The following C10orf90 variants were observed in gnomAD, a reference collection of about 807,000 sequenced individuals.
The protein encoded by C10orf90 is chromosome 10 open reading frame 90, also known as (E2-independent) E3 ubiquitin-conjugating enzyme FATS.
Under a neutral mutation model 62.5 loss-of-function variants are expected in C10orf90, and 56 were observed. The observed-to-expected ratio is 0.90, with a 90% CI of 0.72 to 1.12. The LOEUF is 1.12. C10orf90 is among the 50% of genes most tolerant of loss of function. C10orf90 has a pLI of 0.00. For missense variants in C10orf90, 970 were observed against 880.4 expected (o/e 1.10, Z -1.29); for synonymous variants, 386 against 340.4 (o/e 1.13, Z -1.47).
intron 7 of C10orf90, among the ~76,000 whole-genome samples, chr10:126,443,394 G>A (rs768203358): frequency 2.4e-4 from 36 of 152,130 alleles, no homozygotes; most frequent in Non-Finnish European, 1.3e-4. Flanking sequence ...ACACCTTTAC[G>A]TGTATAAACT....
intron 2 of C10orf90, among the ~76,000 whole-genome samples, chr10:126,619,134 A>G (rs1207414539): frequency 1.3e-5 from 2 of 152,162 alleles, no homozygotes; most frequent in African/African-American, 4.8e-5. Flanking sequence ...CGTGCACACT[A>G]TCTTGCTGTG....
chr10:126,468,224 A>G (rs1245332335), intron 4 of C10orf90, among the ~76,000 whole-genome samples: 2 of 151,730 alleles, frequency 1.3e-5, no homozygotes, highest in African/African-American at 4.8e-5. Context: ...GCCCACCACC[A>G]CGCCCAGCTA....
chr10:126,569,779 A>C (rs905732736), intron 2 of C10orf90, among the ~76,000 whole-genome samples: 2 of 152,170 alleles, frequency 1.3e-5, no homozygotes, highest in African/African-American at 4.8e-5. Flanking sequence ...AAAACATGGA[A>C]AATAGCTCTT....
chr10:126,667,699 TAG>T (rs1304247769), intron 1 of C10orf90, among the ~76,000 whole-genome samples: 1 of 152,174 alleles, frequency 6.6e-6, no homozygotes, highest in African/African-American at 2.4e-5. Context: ...CTCTGCTGCA[TAG>T]AGAGTCTCAG....
chr10:126,637,002 G>A (rs1383155780), intron 2 of C10orf90, among the ~76,000 whole-genome samples: 1 of 151,980 alleles, frequency 6.6e-6, no homozygotes, highest in African/African-American at 2.4e-5. Flanking sequence ...TTTTCTCTTG[G>A]GGGGCGCTCT....
intron 2 of C10orf90, among the ~76,000 whole-genome samples, chr10:126,637,417 T>C (rs1446395036): frequency 2.0e-5 from 3 of 152,156 alleles, no homozygotes; most frequent in African/African-American, 4.8e-5. Flanking sequence ...GGTTATTGAG[T>C]GCTTAGGCAC....
intron 2 of C10orf90, among the ~76,000 whole-genome samples, chr10:126,642,464 A>G (rs111874569): frequency 0.01 from 1,550 of 152,184 alleles, 31 homozygotes; most frequent in African/African-American, 0.034. Flanking sequence ...CCCGGGAGGC[A>G]GAGCTTGCAG....
intron 2 of C10orf90, among the ~76,000 whole-genome samples, chr10:126,546,198 T>C (rs2133972286): frequency 6.6e-6 from 1 of 152,306 alleles, no homozygotes; most frequent in East Asian, 1.9e-4. Flanking sequence ...ATAACCACTC[T>C]ACTCCAGCCA....
chr10:126,460,374 A>G (rs1859890720), intron 6 of C10orf90, among the ~76,000 whole-genome samples: 1 of 152,248 alleles, frequency 6.6e-6, no homozygotes. Context: ...GCATGCTGCC[A>G]TGACTGAAAC....
intron 7 of C10orf90, among the ~76,000 whole-genome samples, chr10:126,455,124 C>T (rs1859459368): frequency 6.6e-6 from 1 of 152,072 alleles, no homozygotes; most frequent in African/African-American, 2.4e-5. Flanking sequence ...TCATGTTGTA[C>T]CTGAAGCTAC....
chr10:126,506,812 T>G (rs1413691058), intron 3 of C10orf90, among the ~76,000 whole-genome samples: 1 of 118,496 alleles, frequency 8.4e-6, no homozygotes, highest in African/African-American at 2.9e-5. Context: ...CACAGTAGCA[T>G]TTTTATTTTC....
At chr10:126,577,410 C>CA (rs200713782) in intron 2 of C10orf90, among the ~76,000 whole-genome samples, 111 of 144,454 alleles carry the variant, frequency 7.7e-4, no homozygotes, top group South Asian at 1.5e-3. Context: ...GAATAGAAAA[C>CA]AAAAAAAAAA....
Position 126,602,715 on chromosome 10 carries a change from T to G in C10orf90, c.313+43850A>C, listed in dbSNP as rs569982282. 3.9e-5 allele frequency among the ~76,000 whole-genome samples: 6 copies of G among 151,976 alleles called. No individual in the cohort carries two copies. In the South Asian group the frequency reaches 1.3e-3, roughly 32 times the overall value. On this transcript the variant is annotated intron_variant, in intron 2 of 9. Coordinates refer to ENST00000488181, the MANE Select transcript of C10orf90 (RefSeq NM_001350921.2). The stretch of plus-strand genomic sequence containing the variant: ...ACCCCTCAAAAAGCAAGATGGGTCT[T>G]ATAAGGGATGCTGTATCATAGTGTC...
rs142067508 is a variant in C10orf90, at chr10:126,524,713, G to A, written c.314-10774C>T. 1.7e-3 allele frequency: 1,641 copies of A among 985,820 alleles called. 2 individuals carry two copies. Among genetic ancestry groups the A allele is most frequent in the Admixed American group, 2.5e-3 (40 of 16,292 alleles). The allele number at this position is 985,820 out of a possible 1,614,324, so 61.1% of individuals were successfully genotyped here. On this transcript the variant is annotated intron_variant, in intron 2 of 9. Transcript: ENST00000488181. Reference sequence around the variant, plus strand: ...TCCTCTGGGCTCATCTTCCTCATCCGCGAGGCAAGGAGTGCACGCACCTGT... The same window carrying A: ...TCCTCTGGGCTCATCTTCCTCATCCACGAGGCAAGGAGTGCACGCACCTGT...
intron 2 of C10orf90, among the ~76,000 whole-genome samples, chr10:126,570,749 T>A (rs531255453): frequency 1.3e-5 from 2 of 152,280 alleles, no homozygotes; most frequent in East Asian, 3.9e-4. Flanking sequence ...TACTATTCCA[T>A]TTCTGTATTC....
intron 2 of C10orf90, among the ~76,000 whole-genome samples, chr10:126,567,843 G>A (rs565648545): frequency 5.6e-4 from 85 of 152,256 alleles, no homozygotes; most frequent in South Asian, 4.4e-3. Flanking sequence ...AAGAAGCCTC[G>A]AGTGGCACCT....
intron 2 of C10orf90, among the ~76,000 whole-genome samples, chr10:126,563,226 G>C (rs867754414): frequency 1.3e-5 from 2 of 152,176 alleles, no homozygotes; most frequent in Non-Finnish European, 2.9e-5. Context: ...CTGCAGTAGC[G>C]TGGGGCTAAA....
At chr10:126,565,162 T>TA (rs1844322917) in intron 2 of C10orf90, among the ~76,000 whole-genome samples, 13 of 18,234 alleles carry the variant, frequency 7.1e-4, no homozygotes, top group South Asian at 1.3e-3. Flanking sequence ...TAATATAATA[T>TA]TTATATTACA....
chr10:126,492,965 A>C (rs1210003990), intron 4 of C10orf90, among the ~76,000 whole-genome samples: 1 of 152,218 alleles, frequency 6.6e-6, no homozygotes, highest in Admixed American at 6.5e-5. Context: ...CATTGCTATA[A>C]AAATGTAAAA....
Sources: gnomAD v4.1 joint callset for allele counts (sites outside exome capture counted in the v4.1 genomes callset) on GRCh38, gnomAD v4.1.1 for gene constraint, MANE v1.5 for transcripts, NCBI Gene and HGNC (gene_info 2026-07-23, HGNC 2026-07-21) for gene names.